Variants in PHF14 observed in about 807,000 individuals in gnomAD.
The protein encoded by PHF14 is PHD finger protein 14.
PHF14 carries 55 observed loss-of-function variants against 117.9 expected under a neutral mutation model. The observed-to-expected ratio is 0.47, with a 90% confidence interval of 0.38 to 0.58. PHF14 has a LOEUF of 0.58. PHF14 is among the 20% of genes least tolerant of loss of function. The pLI, the probability that PHF14 is intolerant of heterozygous loss-of-function variation, is 0.00. For missense variants in PHF14, 978 were observed against 1,122.2 expected, an observed-to-expected ratio of 0.87 and a Z score of 1.84; for synonymous variants, 409 against 368.6, an observed-to-expected ratio of 1.11 and a Z score of -1.26.
At chr7:11,034,247 A>G (rs908879133) in intron 7 of PHF14, among the ~76,000 whole-genome samples, 26 of 152,058 alleles carry the variant, frequency 1.7e-4, no homozygotes, top group African/African-American at 5.1e-4. Context: ...CACTTTTGAC[A>G]TAACTTAGAG....
At chr7:11,082,955 C>T (rs1786208954) in intron 16 of PHF14, among the ~76,000 whole-genome samples, 1 of 152,176 alleles carries the variant, frequency 6.6e-6, no homozygotes, top group South Asian at 2.1e-4. Context: ...GCACCAATGG[C>T]TTATCAGTAC....
chr7:11,127,046 C>T (rs1328739611), intron 17 of PHF14, among the ~76,000 whole-genome samples: 1 of 152,068 alleles, frequency 6.6e-6, no homozygotes, highest in East Asian at 1.9e-4. Context: ...TTTGGAGCTT[C>T]CTTTTTCCCC....
At position 11,051,758 on chromosome 7, in the gene PHF14, A is replaced by G. The variant is rs181529813; in HGVS notation, c.2459A>G (p.Lys820Arg). The G allele has an allele frequency of 7.0e-4, 1,131 of 1,613,512 alleles. No homozygotes were observed. Among genetic ancestry groups the G allele is most frequent in the Non-Finnish European group, 8.6e-4 (1,019 of 1,179,630 alleles). Residue 820 changes from lysine to arginine, a missense_variant, in exon 14 of 18, where the codon AAG (lysine) becomes AGG (arginine). By Grantham distance (26) the Lys-to-Arg change is conservative. Around this residue, in one of 7 missense-constraint regions of PHF14, gnomAD observed 180 missense variants for 195.4 expected, o/e 0.92. Coordinates refer to ENST00000634607, the MANE Select transcript of PHF14 (RefSeq NM_001007157.2). Reference protein sequence around the residue: ...FVPQDVPPEPKKIPIRNTRTR... With the variant: ...FVPQDVPPEPRKIPIRNTRTR... Reference sequence around the variant, plus strand: ...CCACAGGATGTGCCACCAGAACCCAAGAAGATTCCGATAAGAAACACGGTA... The same window carrying G: ...CCACAGGATGTGCCACCAGAACCCAGGAAGATTCCGATAAGAAACACGGTA...
chr7:11,144,011 T>A (rs6460787), intron 17 of PHF14, among the ~76,000 whole-genome samples: 13,894 of 152,054 alleles, frequency 0.091, 722 homozygotes, highest in African/African-American at 0.13. Flanking sequence ...TACCTGGAAC[T>A]CTAACAACTC....
intron 16 of PHF14, among the ~76,000 whole-genome samples, chr7:11,072,515 A>G (rs1254893898): frequency 6.6e-6 from 1 of 152,228 alleles, no homozygotes. Context: ...TTCATTATCT[A>G]TAAAATAGCA....
chr7:11,061,439 A>G (rs1785220155), intron 14 of PHF14: 1 of 161,492 alleles, frequency 6.2e-6, no homozygotes, highest in African/African-American at 2.4e-5. Flanking sequence ...AAGTGATGTG[A>G]TAAGTTATGA....
At position 11,040,737 on chromosome 7, in the gene PHF14, C is replaced by T. The variant is rs766742438; in HGVS notation, c.2142C>T (p.Gly714=). The change falls in exon 12 of 18, where the codon GGC becomes GGT. Residue 714 remains glycine, a synonymous_variant. Transcript: ENST00000634607. ...GAAAACCAAGTAAAAAAGAAGGAGG[C>T]ACACAAAAGACATCTACTCTTCCTG... ...KERKPSKKEG[G]TQKTSTLPAV... 9 of 1,565,868 alleles carry T rather than the reference C, an allele frequency of 5.7e-6. No homozygotes were observed. The highest frequency in any genetic ancestry group is 7.8e-6 in the Non-Finnish European group (9 of 1,153,752).
In PHF14 at chr7:11,025,983, G is replaced by A. The variant is rs546514599; in HGVS notation, c.1318-2698G>A. 2.6e-5 allele frequency among the ~76,000 whole-genome samples: 4 copies of A among 151,868 alleles called. No individual in the cohort carries two copies. In the South Asian group the frequency reaches 6.2e-4, roughly 24 times the overall value. On this transcript the variant is annotated intron_variant, in intron 6 of 17. Transcript: ENST00000634607. ...AAAAATTAGCTGGGCGTGGTGGCAC[G>A]TGCCTGTAACCCCAGCTACTCAGGA...
intron 16 of PHF14, among the ~76,000 whole-genome samples, chr7:11,088,789 G>C (rs2128338215): frequency 1.3e-5 from 2 of 152,120 alleles, no homozygotes; most frequent in East Asian, 3.9e-4. Flanking sequence ...TATAGGAGGG[G>C]AGTGATAAAC....
At chr7:11,083,464 A>ATTTTTTTT (rs776573456) in intron 16 of PHF14, among the ~76,000 whole-genome samples, 1 of 112,310 alleles carries the variant, frequency 8.9e-6, no homozygotes. Flanking sequence ...TGCTTTCCCT[A>ATTTTTTTT]TTTTTTTTTT....
intron 16 of PHF14, among the ~76,000 whole-genome samples, chr7:11,086,684 A>G (rs1488928612): frequency 3.9e-5 from 6 of 152,216 alleles, no homozygotes; most frequent in Non-Finnish European, 7.3e-5. Flanking sequence ...TTTAAAAGTT[A>G]TAATTGTCAG....
chr7:10,985,642 T>TG (rs1562561891), intron 3 of PHF14, among the ~76,000 whole-genome samples: 2 of 100,100 alleles, frequency 2.0e-5, no homozygotes, highest in African/African-American at 1.1e-4. Flanking sequence ...CAAACTGTTT[T>TG]TTTTTTTTTT....
intron 6 of PHF14, among the ~76,000 whole-genome samples, chr7:11,027,172 C>G (rs1418107777): frequency 1.3e-5 from 2 of 152,152 alleles, no homozygotes; most frequent in African/African-American, 2.4e-5. Flanking sequence ...ATAATCTAAA[C>G]AATATGTCTC....
chr7:11,090,808 A>G (rs1204775302), intron 16 of PHF14, among the ~76,000 whole-genome samples: 1 of 152,224 alleles, frequency 6.6e-6, no homozygotes, highest in Non-Finnish European at 1.5e-5. Context: ...GGATAATGGG[A>G]TCATTCCTAA....
intron 16 of PHF14, among the ~76,000 whole-genome samples, chr7:11,084,017 T>C (rs1358803112): frequency 1.3e-5 from 2 of 152,192 alleles, no homozygotes; most frequent in Admixed American, 6.5e-5. Flanking sequence ...GTTGTTTTTA[T>C]TGGAGTATAA....
intron 16 of PHF14, among the ~76,000 whole-genome samples, chr7:11,080,023 A>G (rs1453692555): frequency 5.3e-5 from 8 of 152,172 alleles, no homozygotes; most frequent in African/African-American, 1.7e-4. Context: ...GGTCTAAAAG[A>G]TGGATTCTTG....
intron 4 of PHF14, among the ~76,000 whole-genome samples, chr7:11,007,397 A>G (rs936559579): frequency 1.3e-5 from 2 of 152,082 alleles, no homozygotes; most frequent in African/African-American, 4.8e-5. Flanking sequence ...TTTTCTGTAC[A>G]GTTAACACCT....
intron 2 of PHF14, among the ~76,000 whole-genome samples, chr7:10,976,713 T>G (rs1781879142): frequency 6.6e-6 from 1 of 151,862 alleles, no homozygotes; most frequent in Admixed American, 6.6e-5. Context: ...TAAATCCTAA[T>G]TATAGTTGAA....
Position 11,006,537 on chromosome 7 carries a change from G to C in PHF14, c.1046-7210G>C, listed in dbSNP as rs1783106681. The C allele has an allele frequency of 5.2e-6, 3 of 580,140 alleles. No homozygotes were observed. The East Asian group carries it at 1.3e-4, about 25-fold the overall frequency. 35.9% of individuals were successfully genotyped at this position (580,140 alleles called of 1,614,324 possible). ...ATCAATGTCACAGAGCTCCTTCACAGCCTGTTTGATCTGGTGCTTGTTGGC... is the reference window on the plus strand; with the variant it reads ...ATCAATGTCACAGAGCTCCTTCACACCCTGTTTGATCTGGTGCTTGTTGGC... On this transcript the variant is annotated intron_variant, in intron 4 of 17. Coordinates refer to ENST00000634607, the MANE Select transcript of PHF14 (RefSeq NM_001007157.2).
Sources: gnomAD v4.1 joint callset for allele counts (sites outside exome capture counted in the v4.1 genomes callset) on GRCh38, gnomAD v4.1.1 for gene constraint, gnomAD v4.1.1 regional missense constraint, MANE v1.5 for transcripts, NCBI Gene and HGNC (gene_info 2026-07-23, HGNC 2026-07-21) for gene names.